The following GRIK2 variants were observed in gnomAD, a reference collection of about 807,000 sequenced individuals.
GRIK2 encodes glutamate receptor ionotropic, kainate 2.
In GRIK2, 32 loss-of-function variants were observed where a neutral mutation model predicts 100.3. That is an observed-to-expected ratio of 0.32 (90% CI 0.24 to 0.43). The LOEUF (loss-of-function observed/expected upper bound fraction) is 0.43. GRIK2 is among the 20% of genes least tolerant of loss of function. GRIK2 has a pLI of 1.00. For synonymous variants in GRIK2, 417 were observed against 389.4 expected (o/e 1.07, Z -0.83); for missense variants, 843 against 1,114.9 (o/e 0.76, Z 3.47).
At chr6:101,569,268 A>T (rs1777425952) in intron 2 of GRIK2, among the ~76,000 whole-genome samples, 1 of 152,016 alleles carries the variant, frequency 6.6e-6, no homozygotes, top group Non-Finnish European at 1.5e-5. Context: ...TAATCACATA[A>T]ATTATATAAG....
chr6:101,582,073 TTTATTTTTTATTA>T (rs1778129561), intron 2 of GRIK2, among the ~76,000 whole-genome samples: 1 of 152,084 alleles, frequency 6.6e-6, no homozygotes, highest in African/African-American at 2.4e-5. Context: ...TGTTTTTATT[TTTATTTTTTATTA>T]TACTTTCAGT....
intron 9 of GRIK2, 22 bp downstream of exon 9, chr6:101,802,460 C>A: frequency 9.8e-7 from 1 of 1,016,566 alleles, no homozygotes; most frequent in Non-Finnish European, 1.5e-6. Flanking sequence ...AGCTTATTTG[C>A]TTTAATTACT....
At chr6:101,605,746 C>G (rs1443052555) in intron 2 of GRIK2, among the ~76,000 whole-genome samples, 1 of 151,930 alleles carries the variant, frequency 6.6e-6, no homozygotes, top group Non-Finnish European at 1.5e-5. Flanking sequence ...TAGAAGGTGA[C>G]TATATACCTT....
chr6:101,867,769 T>C (rs1785147039), intron 11 of GRIK2, among the ~76,000 whole-genome samples: 1 of 151,266 alleles, frequency 6.6e-6, no homozygotes, highest in African/African-American at 2.4e-5. Context: ...ATATATATTT[T>C]TAAATTTAAA....
chr6:102,001,097 C>CCATAA (rs956109109), intron 14 of GRIK2, among the ~76,000 whole-genome samples: 3 of 151,890 alleles, frequency 2.0e-5, no homozygotes, highest in Non-Finnish European at 4.4e-5. Flanking sequence ...TCATTATTTG[C>CCATAA]CATAACATAA....
chr6:101,775,048 T>G (rs1778656901), intron 7 of GRIK2, among the ~76,000 whole-genome samples: 2 of 152,110 alleles, frequency 1.3e-5, no homozygotes, highest in Non-Finnish European at 2.9e-5. Flanking sequence ...AATTATCTTG[T>G]TAAAGAAAAT....
At chr6:101,853,629 C>T (rs945227143) in intron 10 of GRIK2, among the ~76,000 whole-genome samples, 17 of 152,186 alleles carry the variant, frequency 1.1e-4, no homozygotes, top group Non-Finnish European at 1.8e-4. Flanking sequence ...ACACAAAAAC[C>T]AGCACATGGA....
intron 2 of GRIK2, among the ~76,000 whole-genome samples, chr6:101,574,917 G>C (rs1015882141): frequency 9.2e-5 from 14 of 151,610 alleles, no homozygotes; most frequent in Non-Finnish European, 1.5e-5. Context: ...TGAAAATGCT[G>C]TTCTTATATG....
intron 8 of GRIK2, among the ~76,000 whole-genome samples, chr6:101,800,821 C>T (rs1346233304): frequency 6.6e-6 from 1 of 152,000 alleles, no homozygotes; most frequent in African/African-American, 2.4e-5. Context: ...ATTGATTTTT[C>T]TGAACTCAGC....
intron 7 of GRIK2, among the ~76,000 whole-genome samples, chr6:101,786,748 C>A (rs1462207709): frequency 6.6e-6 from 1 of 151,936 alleles, no homozygotes; most frequent in Non-Finnish European, 1.5e-5. Flanking sequence ...TGCCTGTGAA[C>A]ATAGATACAA....
chr6:101,719,480 AAAAAGGG>A (rs1220581815), intron 7 of GRIK2, among the ~76,000 whole-genome samples: 2 of 151,986 alleles, frequency 1.3e-5, no homozygotes, highest in Non-Finnish European at 2.9e-5. Flanking sequence ...GGAGAAAGAA[AAAAAGGG>A]AAAATTAACT....
chr6:102,025,714 C>T, intron 14 of GRIK2, among the ~76,000 whole-genome samples: 1 of 151,168 alleles, frequency 6.6e-6, no homozygotes, highest in African/African-American at 2.4e-5. Context: ...ACTTGTAATG[C>T]ATTATAAGAC....
At chr6:101,671,901 A>G (rs1461129679) in intron 4 of GRIK2, among the ~76,000 whole-genome samples, 2 of 152,164 alleles carry the variant, frequency 1.3e-5, no homozygotes, top group Non-Finnish European at 2.9e-5. Context: ...ATTTAAAAAT[A>G]GCTAGACTTC....
chr6:101,778,303 C>G (rs1467001427), intron 7 of GRIK2, among the ~76,000 whole-genome samples: 1 of 151,924 alleles, frequency 6.6e-6, no homozygotes, highest in Admixed American at 6.6e-5. Flanking sequence ...GGACCATCTT[C>G]CAAGAAAAAT....
chr6:101,430,772 C>A (rs529472796), intron 2 of GRIK2: 36 of 236,760 alleles, frequency 1.5e-4, no homozygotes, highest in Non-Finnish European at 3.0e-4. Context: ...GCAACTAGCT[C>A]CTTTCCAGGG....
At chr6:101,420,593 A>C (rs1011650913) in intron 2 of GRIK2, among the ~76,000 whole-genome samples, 4 of 152,150 alleles carry the variant, frequency 2.6e-5, no homozygotes, top group African/African-American at 9.7e-5. Context: ...TGGGCTCAGC[A>C]ATCTGTGCCC....
At chr6:101,831,025 C>T (rs1782645330) in intron 10 of GRIK2, among the ~76,000 whole-genome samples, 1 of 152,018 alleles carries the variant, frequency 6.6e-6, no homozygotes. Context: ...ATACCACATT[C>T]TTGGTTGACA....
chr6:101,603,281 A>G (rs566939607), intron 2 of GRIK2, among the ~76,000 whole-genome samples: 2 of 151,854 alleles, frequency 1.3e-5, no homozygotes, highest in Admixed American at 6.6e-5. Flanking sequence ...TAGTTAATTT[A>G]CCTAACTTAA....
At chr6:101,558,140 C>T (rs9373615) in intron 2 of GRIK2, among the ~76,000 whole-genome samples, 1 of 152,176 alleles carries the variant, frequency 6.6e-6, no homozygotes, top group Admixed American at 6.5e-5. Flanking sequence ...TTCTAAATAG[C>T]CAAATCTAGC....
Sources: allele counts gnomAD v4.1 joint callset (sites outside exome capture counted in the v4.1 genomes callset), GRCh38; gene constraint gnomAD v4.1.1; transcripts MANE v1.5; gene names NCBI Gene and HGNC (gene_info 2026-07-23, HGNC 2026-07-21).